The following SCTR variants were observed in gnomAD, a reference collection of about 807,000 sequenced individuals.
The protein encoded by SCTR is secretin receptor, also known as pancreatic secretin receptor.
In SCTR, 56 loss-of-function variants were observed where a neutral mutation model predicts 60.8. The ratio of observed to expected loss-of-function variants is 0.92; its 90% CI spans 0.74 to 1.15. The LOEUF (loss-of-function observed/expected upper bound fraction) is 1.15. Ranked by LOEUF, SCTR falls within the 50% of genes most tolerant of loss-of-function variation. SCTR has a pLI of 0.00. For synonymous variants in SCTR, 202 were observed against 217.0 expected, an observed-to-expected ratio of 0.93 and a Z score of 0.61; for missense variants, 562 against 550.4, an observed-to-expected ratio of 1.02 and a Z score of -0.21.
At chr2:119,523,977 G>T (rs1203797627) in intron 1 of SCTR, among the ~76,000 whole-genome samples, 178 bp downstream of exon 1, 1 of 152,152 alleles carries the variant, frequency 6.6e-6, no homozygotes, top group Non-Finnish European at 1.5e-5. Flanking sequence ...TTTGGGAAAG[G>T]GTCCCTCCGG....
rs1189026633 is a variant in SCTR, at chr2:119,521,932, A to G, written c.72+2223T>C. Among the ~76,000 whole-genome samples, 3 of 152,280 alleles carry G rather than the reference A, an allele frequency of 2.0e-5. No individual in the cohort carries two copies. The East Asian group carries it at 5.8e-4, about 29-fold the overall frequency. ...TAAGGTCTACAGAAGCCGTAAAATA[A>G]CCCAAGGACCACGACTTATACACAG... is the stretch of plus-strand genomic sequence containing the variant. On this transcript the variant is annotated intron_variant, in intron 1 of 12. Coordinates refer to ENST00000019103, the MANE Select transcript of SCTR (RefSeq NM_002980.3).
intron 12 of SCTR, among the ~76,000 whole-genome samples, 185 bp downstream of exon 12, chr2:119,441,373 C>A (rs932623168): frequency 1.3e-5 from 2 of 152,208 alleles, no homozygotes; most frequent in African/African-American, 4.8e-5. Flanking sequence ...TTTGAACAAG[C>A]CTTGCTCCCA....
chr2:119,510,000 T>G (rs1558881097), intron 1 of SCTR, among the ~76,000 whole-genome samples: 1 of 151,820 alleles, frequency 6.6e-6, no homozygotes, highest in East Asian at 1.9e-4. Context: ...TTTTTTTTAT[T>G]TTACTTTAAG....
chr2:119,492,082 T>C (rs1678153399), intron 2 of SCTR, among the ~76,000 whole-genome samples: 2 of 152,202 alleles, frequency 1.3e-5, no homozygotes, highest in Admixed American at 1.3e-4. Flanking sequence ...GTATATCTCA[T>C]CCTTCCTTCT....
At chr2:119,479,096 A>G (rs1220202021) in intron 2 of SCTR, 178 bp from the exon 3 acceptor site, 1 of 1,434,140 alleles carries the variant, frequency 7.0e-7, no homozygotes, top group Non-Finnish European at 9.1e-7. Flanking sequence ...GCACCCTTGG[A>G]CTCTGCCATG....
At chr2:119,460,856 T>C (rs1444458740) in intron 7 of SCTR, among the ~76,000 whole-genome samples, 1 of 152,174 alleles carries the variant, frequency 6.6e-6, no homozygotes, top group Non-Finnish European at 1.5e-5. Context: ...AATCAACATA[T>C]TTCATTCTCT....
chr2:119,472,613 G>A (rs1016196878), intron 4 of SCTR, among the ~76,000 whole-genome samples: 12 of 152,124 alleles, frequency 7.9e-5, no homozygotes, highest in Non-Finnish European at 1.6e-4. Context: ...TATCAGAGCC[G>A]GGAGACTCCT....
At chr2:119,457,254 C>G (rs1023254760) in intron 7 of SCTR, among the ~76,000 whole-genome samples, 1 of 151,358 alleles carries the variant, frequency 6.6e-6, no homozygotes, top group African/African-American at 2.4e-5. Context: ...AAAAATGATT[C>G]CAGGAAAATA....
chr2:119,485,911 C>G (rs547020279), intron 2 of SCTR: 1 of 152,568 alleles, frequency 6.6e-6, no homozygotes, highest in East Asian at 1.9e-4. Context: ...CTCTTTGCCT[C>G]TCTTGGCTCA....
intron 5 of SCTR, among the ~76,000 whole-genome samples, 194 bp downstream of exon 5, chr2:119,465,594 AG>A (rs1250553608): frequency 1.3e-5 from 2 of 152,216 alleles, no homozygotes; most frequent in Non-Finnish European, 2.9e-5. Context: ...AGTAGTGCTT[AG>A]TAAATGTTGA....
At chr2:119,518,660 T>G (rs1679187931) in intron 1 of SCTR, among the ~76,000 whole-genome samples, 1 of 152,180 alleles carries the variant, frequency 6.6e-6, no homozygotes, top group Admixed American at 6.5e-5. Context: ...TATTGTGGTT[T>G]TACCTTGAGC....
chr2:119,524,234 G>C lies in SCTR; in HGVS notation c.-8C>G, dbSNP rs1053301848. 9 of 1,451,838 alleles carry C rather than the reference G, an allele frequency of 6.2e-6. No individual in the cohort carries two copies. In the Admixed American group the frequency reaches 1.5e-4, roughly 25 times the overall value. The allele number at this position is 1,451,838 out of a possible 1,614,324, so 89.9% of individuals were successfully genotyped here. On this transcript the variant is annotated 5_prime_UTR_variant, in exon 1 of 13. Coordinates refer to ENST00000019103, the MANE Select transcript of SCTR (RefSeq NM_002980.3). ...CGACAGGTGGGGACGCATGGTGCCC[G>C]CACGTTCCCCGAGGGCGCCCCGACG...
Position 119,471,676 on chromosome 2 carries a change from A to T in SCTR, c.405+1777T>A, listed in dbSNP as rs113146762. On this transcript the variant is annotated intron_variant, in intron 4 of 12. Coordinates refer to ENST00000019103, the MANE Select transcript of SCTR (RefSeq NM_002980.3). Reference sequence around the variant, plus strand: ...GACCTCACCCTACCCTCCAAGGGACAGGCAAAGCTTGCCCATATTCCTTCT... The same window carrying T: ...GACCTCACCCTACCCTCCAAGGGACTGGCAAAGCTTGCCCATATTCCTTCT... Among the ~76,000 whole-genome samples, 483 of 152,336 alleles carry T rather than the reference A, an allele frequency of 3.2e-3. 2 individuals carry two copies. The highest frequency in any genetic ancestry group is 0.011 in the African/African-American group (466 of 41,584).
chr2:119,508,783 T>A (rs549915862), intron 1 of SCTR, among the ~76,000 whole-genome samples: 72 of 152,352 alleles, frequency 4.7e-4, no homozygotes, highest in Non-Finnish European at 9.0e-4. Flanking sequence ...AGGCTCTTAT[T>A]GAGCTAATTA....
Position 119,473,480 on chromosome 2 carries a change from A to G in SCTR, c.378T>C (p.Asn126=), listed in dbSNP as rs372043040. 20 of 1,613,534 alleles carry G rather than the reference A, an allele frequency of 1.2e-5. No individual in the cohort carries two copies. The African/African-American group carries it at 2.5e-4, about 20-fold the overall frequency. Reference sequence around the variant, plus strand: ...GCTTCTCGTTGGAAGAGTCGTTCACATTAACGCCACAGGCCAGATTAGGCC... The same window carrying G: ...GCTTCTCGTTGGAAGAGTCGTTCACGTTAACGCCACAGGCCAGATTAGGCC... The part of the protein sequence containing the change: ...FPRPNLACGV[N]VNDSSNEKRH... The change falls in exon 4 of 13, where the codon AAT becomes AAC. Residue 126 remains asparagine (N), a synonymous_variant. Coordinates refer to ENST00000019103, the MANE Select transcript of SCTR (RefSeq NM_002980.3).
At chr2:119,522,018 G>A (rs373166894) in intron 1 of SCTR, among the ~76,000 whole-genome samples, 1 of 152,222 alleles carries the variant, frequency 6.6e-6, no homozygotes, top group Non-Finnish European at 1.5e-5. Flanking sequence ...GGGACCGCCG[G>A]GCGCGGTGGT....
At chr2:119,440,978 C>G (rs1682635089) in intron 12 of SCTR, among the ~76,000 whole-genome samples, 1 of 152,216 alleles carries the variant, frequency 6.6e-6, no homozygotes, top group African/African-American at 2.4e-5. Context: ...TCATGTTAAC[C>G]ACATAGCTCT....
intron 1 of SCTR, among the ~76,000 whole-genome samples, chr2:119,511,295 G>A (rs2104941059): frequency 6.6e-6 from 1 of 152,242 alleles, no homozygotes; most frequent in African/African-American, 2.4e-5. Context: ...TTAGGGAAGA[G>A]AAAGATGAGA....
At chr2:119,480,664 G>T (rs1677558354) in intron 2 of SCTR, 1 of 152,178 alleles carries the variant, frequency 6.6e-6, no homozygotes, top group Non-Finnish European at 1.5e-5. Flanking sequence ...TGTCTTTTAA[G>T]ACATCATTTC....
Sources: allele counts gnomAD v4.1 joint callset (sites outside exome capture counted in the v4.1 genomes callset), GRCh38; gene constraint gnomAD v4.1.1; transcripts MANE v1.5; gene names NCBI Gene and HGNC (gene_info 2026-07-23, HGNC 2026-07-21).